The following DACH1 variants were observed in gnomAD, a reference collection of about 807,000 sequenced individuals.
DACH1 encodes the protein dachshund homolog 1.
A neutral mutation model predicts 54.2 loss-of-function variants in DACH1; 12 were observed. That is an observed-to-expected ratio of 0.22 (90% CI 0.14 to 0.36). The LOEUF (loss-of-function observed/expected upper bound fraction) is 0.36, where lower values mean the gene tolerates loss of function less well. Among genes scored for constraint, DACH1 ranks in the 10% least tolerant of loss-of-function variants. The pLI is 1.00. For missense variants in DACH1, 805 were observed against 929.8 expected (o/e 0.87, Z 1.75); for synonymous variants, 386 against 366.2 (o/e 1.05, Z -0.62).
chr13:71,753,746 T>C (rs139525274), intron 1 of DACH1, among the ~76,000 whole-genome samples: 327 of 152,268 alleles, frequency 2.1e-3, no homozygotes, highest in African/African-American at 7.3e-3. Context: ...TCTGCAATGG[T>C]TTATTCTTTT....
intron 1 of DACH1, among the ~76,000 whole-genome samples, chr13:71,708,240 A>C (rs1021495408): frequency 1.3e-5 from 2 of 152,206 alleles, no homozygotes; most frequent in African/African-American, 4.8e-5. Flanking sequence ...ATCAACAAGC[A>C]AACCATATAG....
At chr13:71,807,419 CAAAAA>C (rs10688170) in intron 1 of DACH1, among the ~76,000 whole-genome samples, 7 of 99,718 alleles carry the variant, frequency 7.0e-5, no homozygotes, top group Non-Finnish European at 9.6e-5. Context: ...TCACAGATTG[CAAAAA>C]AAAAAAAAAA....
At chr13:71,765,274 C>A (rs1233811455) in intron 1 of DACH1, among the ~76,000 whole-genome samples, 2 of 152,196 alleles carry the variant, frequency 1.3e-5, no homozygotes, top group African/African-American at 4.8e-5. Flanking sequence ...TCTATCCTTG[C>A]CTACCCACAA....
At chr13:71,855,912 GT>G (rs1873972138) in intron 1 of DACH1, among the ~76,000 whole-genome samples, 1 of 151,758 alleles carries the variant, frequency 6.6e-6, no homozygotes, top group African/African-American at 2.4e-5. Context: ...CAAAATAGTT[GT>G]TTTTATATCT....
chr13:71,614,363 T>G (rs1280174336), intron 3 of DACH1, among the ~76,000 whole-genome samples: 2 of 152,114 alleles, frequency 1.3e-5, no homozygotes, highest in Non-Finnish European at 2.9e-5. Flanking sequence ...AGAGAATGGA[T>G]GTAGGAATGG....
rs377095941 is a variant in DACH1 at position 71,681,844 on chromosome 13, C to T, written c.915G>A (p.Met305Ile). The T allele has an allele frequency of 2.6e-5, 42 of 1,613,860 alleles. No individual in the cohort carries two copies. Among genetic ancestry groups the T allele is most frequent in the Non-Finnish European group, 3.4e-5 (40 of 1,179,916 alleles). The change falls in exon 2 of 11, where the codon ATG becomes ATA. Residue 305 changes from methionine to isoleucine, a missense_variant. By Grantham distance (10) the Met-to-Ile change is conservative. Around this residue, in one of 3 missense-constraint regions of DACH1, gnomAD observed 472 missense variants for 545.3 expected, o/e 0.87. Transcript: ENST00000613252. ...ACATGAGACCAGGGACAGAATGCGG[C>T]ATGATGTGAGAGTTCTCTGGGGAGG... is the stretch of plus-strand genomic sequence containing the variant. The part of the protein sequence containing the change: ...SVTSPENSHI[M>I]PHSVPGLMSP...
At chr13:71,582,651 G>A (rs1032518401) in intron 3 of DACH1, among the ~76,000 whole-genome samples, 3 of 152,062 alleles carry the variant, frequency 2.0e-5, no homozygotes, top group African/African-American at 7.2e-5. Context: ...AAGGACCATT[G>A]AAATAATATT....
intron 2 of DACH1, among the ~76,000 whole-genome samples, chr13:71,663,045 T>C (rs1879612344): frequency 6.6e-6 from 1 of 151,974 alleles, no homozygotes; most frequent in African/African-American, 2.4e-5. Context: ...TATGAATATA[T>C]TGTATGATAT....
chr13:71,628,922 G>C (rs1190088930), intron 3 of DACH1, among the ~76,000 whole-genome samples: 1 of 151,922 alleles, frequency 6.6e-6, no homozygotes, highest in Non-Finnish European at 1.5e-5. Flanking sequence ...CCTATTTTAA[G>C]AATCCCTTCT....
intron 2 of DACH1, among the ~76,000 whole-genome samples, chr13:71,677,986 G>A (rs1030255367): frequency 2.0e-5 from 3 of 152,164 alleles, no homozygotes; most frequent in Admixed American, 6.5e-5. Context: ...CCAAAGTGCT[G>A]AGATTACAGG....
chr13:71,636,245 C>A (rs1877482676), intron 2 of DACH1, among the ~76,000 whole-genome samples: 1 of 152,020 alleles, frequency 6.6e-6, no homozygotes. Flanking sequence ...AAACACATTG[C>A]ATAAAAGTAT....
At chr13:71,616,564 A>G (rs1422554690) in intron 3 of DACH1, among the ~76,000 whole-genome samples, 1 of 151,932 alleles carries the variant, frequency 6.6e-6, no homozygotes, top group Non-Finnish European at 1.5e-5. Flanking sequence ...CTGGGCAACA[A>G]TGTCTCTACA....
At chr13:71,665,124 T>C (rs956920624) in intron 2 of DACH1, among the ~76,000 whole-genome samples, 2 of 152,046 alleles carry the variant, frequency 1.3e-5, no homozygotes, top group Non-Finnish European at 2.9e-5. Context: ...CTACAATGTG[T>C]TGAACTATTT....
chr13:71,730,664 G>T (rs937057418), intron 1 of DACH1, among the ~76,000 whole-genome samples: 1 of 151,962 alleles, frequency 6.6e-6, no homozygotes, highest in African/African-American at 2.4e-5. Flanking sequence ...TCATTATTTG[G>T]CATTTACAGA....
chr13:71,570,125 C>G (rs1885108593), intron 4 of DACH1, among the ~76,000 whole-genome samples: 1 of 152,086 alleles, frequency 6.6e-6, no homozygotes, highest in South Asian at 2.1e-4. Context: ...TACAGTCAAC[C>G]AATATATACA....
At chr13:71,551,642 T>C (rs1180400416) in intron 6 of DACH1, among the ~76,000 whole-genome samples, 3 of 152,218 alleles carry the variant, frequency 2.0e-5, no homozygotes, top group Non-Finnish European at 4.4e-5. Context: ...TTGATTTAAG[T>C]TAGGATTTTT....
intron 3 of DACH1, among the ~76,000 whole-genome samples, chr13:71,614,614 G>A (rs1203739461): frequency 6.6e-6 from 1 of 152,110 alleles, no homozygotes; most frequent in East Asian, 1.9e-4. Context: ...AGCACTTTGG[G>A]AGGCCAAGGC....
intron 2 of DACH1, among the ~76,000 whole-genome samples, chr13:71,655,882 G>A (rs981035179): frequency 6.6e-6 from 1 of 151,936 alleles, no homozygotes; most frequent in Non-Finnish European, 1.5e-5. Context: ...TGTCAACATG[G>A]TCTAAATTAA....
chr13:71,679,441 A>T (rs1409644315), intron 2 of DACH1, among the ~76,000 whole-genome samples: 1 of 152,190 alleles, frequency 6.6e-6, no homozygotes, highest in Non-Finnish European at 1.5e-5. Context: ...CTTCATCTTA[A>T]AAGATTAAAT....
Sources: gnomAD v4.1 joint callset for allele counts (sites outside exome capture counted in the v4.1 genomes callset) on GRCh38, gnomAD v4.1.1 for gene constraint, gnomAD v4.1.1 regional missense constraint, MANE v1.5 for transcripts, NCBI Gene and HGNC (gene_info 2026-07-23, HGNC 2026-07-21) for gene names.